Variants in MAP4 observed in about 807,000 individuals in gnomAD.
MAP4 encodes microtubule associated protein 4.
MAP4 carries 76 observed loss-of-function variants against 170.2 expected under a neutral mutation model. That is an observed-to-expected ratio of 0.45 (90% confidence interval 0.37 to 0.54). The LOEUF (loss-of-function observed/expected upper bound fraction) is 0.54, where lower values mean the gene tolerates loss of function less well. MAP4 is among the 20% of genes least tolerant of loss of function. MAP4 has a pLI of 0.00. For missense variants in MAP4, 2,506 were observed against 2,748.0 expected, an observed-to-expected ratio of 0.91 and a Z score of 1.97; for synonymous variants, 909 against 994.5, an observed-to-expected ratio of 0.91 and a Z score of 1.62.
At chr3:48,031,537 C>A (rs1221216884) in intron 1 of MAP4, among the ~76,000 whole-genome samples, 1 of 151,622 alleles carries the variant, frequency 6.6e-6, no homozygotes, top group Non-Finnish European at 1.5e-5. Context: ...GGCGACAGAG[C>A]AAGACTCCAT....
chr3:48,066,943 C>A (rs1371908834), intron 1 of MAP4, among the ~76,000 whole-genome samples: 1 of 148,362 alleles, frequency 6.7e-6, no homozygotes, highest in Non-Finnish European at 1.5e-5. Flanking sequence ...CAGGTTCACA[C>A]CATTCTCCTG....
intron 3 of MAP4, among the ~76,000 whole-genome samples, chr3:47,959,154 G>A (rs1374786288): frequency 1.3e-5 from 2 of 151,928 alleles, no homozygotes; most frequent in Non-Finnish European, 2.9e-5. Context: ...TTCAAAGAAA[G>A]CACTTTTAAA....
Position 47,948,919 on chromosome 3 carries a change from C to A in MAP4, c.293-20569G>T, listed in dbSNP as rs1297769515. Among the ~76,000 whole-genome samples the A allele has an allele frequency of 3.3e-5, 5 of 152,168 alleles. No individual in the cohort carries two copies. In the East Asian group the frequency reaches 9.6e-4, roughly 29 times the overall value. The stretch of plus-strand genomic sequence containing the variant: ...TATAGGCGTGAGCCACTGCGCCCGG[C>A]CGATCAATTTTCTTAAACCAAATCA... On this transcript the variant is annotated intron_variant, in intron 3 of 20. Transcript: ENST00000683076.
Position 47,912,216 on chromosome 3 carries a change from C to G in MAP4, c.2205G>C (p.Gly735=). The change falls in exon 9 of 21, where the codon GGG becomes GGC. Residue 735 remains glycine, a synonymous_variant. Coordinates refer to ENST00000683076, the MANE Select transcript of MAP4 (RefSeq NM_001385682.1). ...GWVSGSSSCG[G]PGNQRKSIHV... is the part of the protein sequence containing the mutation. Reference sequence around the variant, plus strand: ...GAATACTTTTTCTTTGGTTCCCAGGCCCACCACAGGAGGATGAACCAGAGA... The same window carrying G: ...GAATACTTTTTCTTTGGTTCCCAGGGCCACCACAGGAGGATGAACCAGAGA... The G allele has an allele frequency of 6.5e-7, 1 of 1,536,088 alleles. No homozygotes were observed. Among genetic ancestry groups the G allele is most frequent in the Non-Finnish European group, 8.7e-7 (1 of 1,146,890 alleles).
chr3:47,886,936 A>G (rs1261034306), intron 10 of MAP4, among the ~76,000 whole-genome samples: 1 of 152,240 alleles, frequency 6.6e-6, no homozygotes, highest in Non-Finnish European at 1.5e-5. Flanking sequence ...CATCACACTT[A>G]CTGAGAACAA....
intron 1 of MAP4, among the ~76,000 whole-genome samples, chr3:48,037,582 A>AC (rs1443306185): frequency 6.6e-6 from 1 of 151,966 alleles, no homozygotes; most frequent in Non-Finnish European, 1.5e-5. Flanking sequence ...TTTTGTAGAG[A>AC]CAGGGCTTCT....
chr3:48,018,511 C>T (rs1056353318), upstream of MAP4, among the ~76,000 whole-genome samples: 1 of 152,118 alleles, frequency 6.6e-6, no homozygotes, highest in Admixed American at 6.5e-5. Context: ...TACAAATATT[C>T]ACCTTGGCTA....
At chr3:47,949,538 A>G (rs1481632924) in intron 3 of MAP4, among the ~76,000 whole-genome samples, 12 of 151,892 alleles carry the variant, frequency 7.9e-5, no homozygotes, top group Non-Finnish European at 1.6e-4. Context: ...AACATCAACA[A>G]CATAGTACCA....
chr3:47,880,259 A>ATTTTTTTTTT, intron 10 of MAP4, among the ~76,000 whole-genome samples: 1 of 106,380 alleles, frequency 9.4e-6, no homozygotes, highest in Non-Finnish European at 1.8e-5. Flanking sequence ...CACCTGGCTA[A>ATTTTTTTTTT]TTTTTTTTTT....
chr3:47,974,197 G>A lies in MAP4; in HGVS notation c.292+3668C>T, dbSNP rs528004676. Reference sequence around the variant, plus strand: ...TCCCAGCACTTTGGGTGGCCAAGGCGGGTGGATCACTTGAGATCAGGAGTT... The same window carrying A: ...TCCCAGCACTTTGGGTGGCCAAGGCAGGTGGATCACTTGAGATCAGGAGTT... On this transcript the variant is annotated intron_variant, in intron 3 of 20. Transcript: ENST00000683076. 1,974 of 800,906 alleles carry A rather than the reference G, an allele frequency of 2.5e-3. 3 individuals are homozygous for A. Among genetic ancestry groups the A allele is most frequent in the South Asian group, 7.5e-3 (132 of 17,600 alleles). 49.6% of individuals were successfully genotyped at this position (800,906 alleles called of 1,614,324 possible).
chr3:48,011,000 C>T (rs1031815005), intron 1 of MAP4, among the ~76,000 whole-genome samples: 1 of 152,094 alleles, frequency 6.6e-6, no homozygotes, highest in Non-Finnish European at 1.5e-5. Context: ...GGAGATATAT[C>T]CTATTAGTTC....
intron 10 of MAP4, among the ~76,000 whole-genome samples, chr3:47,880,550 G>A (rs1046635659): frequency 6.9e-6 from 1 of 144,718 alleles, no homozygotes; most frequent in African/African-American, 2.6e-5. Flanking sequence ...ACTGCCACCT[G>A]GAACTCCTGG....
chr3:47,884,234 G>A (rs868159368), intron 10 of MAP4, among the ~76,000 whole-genome samples: 2 of 152,272 alleles, frequency 1.3e-5, no homozygotes, highest in South Asian at 2.1e-4. Context: ...TGTCCTCAAC[G>A]TCACTGATTC....
At chr3:48,073,036 G>A (rs2100141773) in intron 1 of MAP4, among the ~76,000 whole-genome samples, 1 of 149,284 alleles carries the variant, frequency 6.7e-6, no homozygotes, top group Non-Finnish European at 1.5e-5. Context: ...TTGGAGACGA[G>A]CCTGGCCAAC....
intron 1 of MAP4, among the ~76,000 whole-genome samples, chr3:48,011,197 C>T (rs1293493480): frequency 6.6e-6 from 1 of 152,054 alleles, no homozygotes; most frequent in Non-Finnish European, 1.5e-5. Flanking sequence ...GATTTAGCAG[C>T]TTTTCTGAAG....
intron 2 of MAP4, among the ~76,000 whole-genome samples, chr3:47,979,613 C>A (rs112676874): frequency 0.01 from 1,527 of 152,090 alleles, 30 homozygotes; most frequent in African/African-American, 0.034. Flanking sequence ...CGTGCCACCA[C>A]GTCCAGCTAA....
Position 47,855,245 on chromosome 3 carries a change from T to TA in MAP4, c.6696+2dup. ...TGTGTCTCCCCAGTGACCCACTCGC[T>TA]ACCTTCACAGCACCTCCTGCAGGTA... On this transcript the variant is annotated splice_region_variant and intron_variant, in intron 19 of 20. Transcript: ENST00000683076. The surrounding 1 kb of genome is among the most constrained non-coding windows in gnomAD (Gnocchi z 5.1). The TA allele has an allele frequency of 1.2e-6, 2 of 1,610,554 alleles. No individual in the cohort carries two copies. The highest frequency in any genetic ancestry group is 1.3e-5 in the African/African-American group (1 of 74,946).
At chr3:47,987,603 C>T (rs1267473031) in intron 2 of MAP4, among the ~76,000 whole-genome samples, 1 of 152,194 alleles carries the variant, frequency 6.6e-6, no homozygotes, top group Non-Finnish European at 1.5e-5. Flanking sequence ...TCCATCTTCT[C>T]CATTTCGATG....
intron 1 of MAP4, among the ~76,000 whole-genome samples, chr3:48,031,606 T>C (rs1157307770): frequency 6.6e-6 from 1 of 151,544 alleles, no homozygotes; most frequent in African/African-American, 2.4e-5. Context: ...GTGCCTGTAG[T>C]CCCAACTACC....
Sources: gnomAD v4.1 joint callset for allele counts (sites outside exome capture counted in the v4.1 genomes callset) on GRCh38, gnomAD v4.1.1 for gene constraint, Gnocchi (gnomAD v3.1) non-coding constraint, MANE v1.5 for transcripts, NCBI Gene and HGNC (gene_info 2026-07-23, HGNC 2026-07-21) for gene names.